SETD3: variants seen among roughly 807,000 people sequenced by gnomAD.
SETD3 encodes the protein actin-histidine N-methyltransferase.
In SETD3, 19 loss-of-function variants were observed where a neutral mutation model predicts 63.0. The ratio of observed to expected loss-of-function variants is 0.30; its 90% CI spans 0.21 to 0.44. The LOEUF (loss-of-function observed/expected upper bound fraction) is 0.44, where lower values mean the gene tolerates loss of function less well. Ranked by LOEUF, SETD3 falls within the 20% of genes least tolerant of loss-of-function variation. The pLI, the probability that SETD3 is intolerant of heterozygous loss-of-function variation, is 1.00. For missense variants in SETD3, 587 were observed against 728.5 expected, an observed-to-expected ratio of 0.81 and a Z score of 2.24; for synonymous variants, 286 against 264.1, an observed-to-expected ratio of 1.08 and a Z score of -0.80.
chr14:99,484,003 C>A (rs1896420558), upstream of SETD3, among the ~76,000 whole-genome samples: 1 of 151,928 alleles, frequency 6.6e-6, no homozygotes, highest in Admixed American at 6.6e-5. Flanking sequence ...CCAGAACTGG[C>A]CAGATATAAA....
chr14:99,464,531 G>C (rs942814213), intron 2 of SETD3, among the ~76,000 whole-genome samples: 4 of 152,148 alleles, frequency 2.6e-5, no homozygotes, highest in Non-Finnish European at 5.9e-5. Context: ...GCGAGGAATG[G>C]GCAGGACAGC....
chr14:99,432,703 G>T (rs1893251410), intron 6 of SETD3, among the ~76,000 whole-genome samples: 1 of 152,222 alleles, frequency 6.6e-6, no homozygotes, highest in African/African-American at 2.4e-5. Flanking sequence ...GCCTCCAGTA[G>T]CAAACACACA....
chr14:99,412,946 G>T lies in SETD3; in HGVS notation c.849+5C>A. The T allele has an allele frequency of 1.3e-6, 2 of 1,593,384 alleles. No individual in the cohort carries two copies. Among genetic ancestry groups the T allele is most frequent in the Non-Finnish European group, 1.7e-6 (2 of 1,161,162 alleles). On this transcript the variant is annotated splice_donor_5th_base_variant and intron_variant, in intron 8 of 12. Transcript: ENST00000331768. ...TCAACACAACACAGGGGAAGAGGTC[G>T]TTACCAGGCCGTTGGTGTGGTTACA... is the stretch of plus-strand genomic sequence containing the variant.
intron 8 of SETD3, among the ~76,000 whole-genome samples, chr14:99,408,762 C>T (rs1019877265): frequency 1.3e-5 from 2 of 152,204 alleles, no homozygotes; most frequent in African/African-American, 4.8e-5. Context: ...TGTCTAACTT[C>T]TTTGTGTGGC....
intron 6 of SETD3, among the ~76,000 whole-genome samples, chr14:99,420,880 G>A (rs1595173036): frequency 7.7e-6 from 1 of 129,914 alleles, no homozygotes; most frequent in East Asian, 2.4e-4. Flanking sequence ...GAACCTGCCA[G>A]GTCATCCAAG....
chr14:99,449,565 A>G (rs992957281), intron 6 of SETD3, among the ~76,000 whole-genome samples: 2 of 152,230 alleles, frequency 1.3e-5, no homozygotes, highest in African/African-American at 2.4e-5. Context: ...AGTGCTCTTC[A>G]AAAGTGCCGG....
chr14:99,461,753 C>T (rs1266990401), intron 3 of SETD3, among the ~76,000 whole-genome samples: 1 of 152,084 alleles, frequency 6.6e-6, no homozygotes, highest in African/African-American at 2.4e-5. Flanking sequence ...ATGAGTAGCT[C>T]GCGTATGTGC....
rs1452924649 is a variant in SETD3, at chr14:99,399,069, G to A, written c.1395C>T (p.Ile465=). Residue 465 remains isoleucine, a synonymous_variant, in exon 13 of 13, where the codon ATC becomes ATT. Coordinates refer to ENST00000331768, the MANE Select transcript of SETD3 (RefSeq NM_032233.3). ...HDLSVRAKMA[I]KLRLGEKEIL... ...TCTCTTTCTCACCTAAGCGCAATTTGATGGCCATTTTTGCACGAACAGAAA... is the reference window on the plus strand; with the variant it reads ...TCTCTTTCTCACCTAAGCGCAATTTAATGGCCATTTTTGCACGAACAGAAA... The A allele has an allele frequency of 6.2e-7, 1 of 1,614,112 alleles. No homozygotes were observed. Among genetic ancestry groups the A allele is most frequent in the Non-Finnish European group, 8.5e-7 (1 of 1,180,034 alleles).
chr14:99,468,168 A>G (rs1033494241), intron 1 of SETD3, among the ~76,000 whole-genome samples: 5 of 151,278 alleles, frequency 3.3e-5, no homozygotes, highest in African/African-American at 1.2e-4. Context: ...AAAAAAAAAA[A>G]AAAAAAGTAC....
rs1287453176 is a variant in SETD3 at position 99,461,420 on chromosome 14, A to T, written c.197-80T>A. 3 of 1,410,812 alleles carry T rather than the reference A, an allele frequency of 2.1e-6. No individual in the cohort carries two copies. In the African/African-American group the frequency reaches 4.3e-5, roughly 20 times the overall value. 87.4% of individuals were successfully genotyped at this position (1,410,812 alleles called of 1,614,324 possible). A position where few individuals can be genotyped will look rare whatever the true frequency, so the allele number is the denominator to read the frequency against. On this transcript the variant is annotated intron_variant, in intron 3 of 12. Transcript: ENST00000331768. ...CACACGTCTCTCAGAAAATAAAAAC[A>T]GGCCATAACTAACACTGGAAATAGT...
intron 2 of SETD3, among the ~76,000 whole-genome samples, chr14:99,464,915 G>A (rs892893605): frequency 2.6e-5 from 4 of 152,166 alleles, no homozygotes; most frequent in Non-Finnish European, 4.4e-5. Context: ...GGCAGAGGTG[G>A]GAGGATCTCT....
chr14:99,403,455 A>ACACACTCTCTCTCTCTCTCT (rs1416541957), intron 11 of SETD3, among the ~76,000 whole-genome samples: 2 of 135,456 alleles, frequency 1.5e-5, no homozygotes, highest in African/African-American at 6.0e-5. Flanking sequence ...ACACACACAC[A>ACACACTCTCTCTCTCTCTCT]CTCTCTCTCT....
chr14:99,434,846 T>TAAAAAAAAA (rs1566706239), intron 6 of SETD3, among the ~76,000 whole-genome samples: 3 of 18,898 alleles, frequency 1.6e-4, no homozygotes, highest in Admixed American at 8.4e-4. Flanking sequence ...AAACTCTGCC[T>TAAAAAAAAA]CAAAAAAAAA....
chr14:99,449,001 A>G (rs181995310), intron 6 of SETD3, among the ~76,000 whole-genome samples: 3 of 152,372 alleles, frequency 2.0e-5, no homozygotes, highest in East Asian at 3.9e-4. Flanking sequence ...GTATCTTTAC[A>G]TGAAGAGCCA....
chr14:99,420,980 G>GGGGGGGA (rs1566694441), intron 6 of SETD3, among the ~76,000 whole-genome samples: 1 of 40,110 alleles, frequency 2.5e-5, no homozygotes, highest in East Asian at 9.0e-4. Context: ...GGGGGGGTGG[G>GGGGGGGA]AGGTGCAGAC....
upstream of SETD3, among the ~76,000 whole-genome samples, chr14:99,484,325 A>G (rs1028315692): frequency 2.0e-5 from 3 of 152,270 alleles, no homozygotes; most frequent in Non-Finnish European, 4.4e-5. Flanking sequence ...CAGCAGACAC[A>G]CAATGGACAT....
chr14:99,475,336 T>C (rs1895915405), intron 1 of SETD3, among the ~76,000 whole-genome samples: 5 of 152,248 alleles, frequency 3.3e-5, no homozygotes, highest in African/African-American at 1.2e-4. Flanking sequence ...GATCCAAGTC[T>C]GAGAAGGATA....
rs1372273079 is a variant in SETD3, at chr14:99,398,946, G to T, written c.1518C>A (p.Asn506Lys). 6.2e-7 allele frequency: 1 copy of T among 1,614,022 alleles called. No individual in the cohort carries two copies. The highest frequency in any genetic ancestry group is 8.5e-7 in the Non-Finnish European group (1 of 1,179,938). ...CCACGCTGCTCTCCAACAGCCCAAG[G>T]TTACTCTCTTCATATTTGGGAAGCG... ...KAPLPKYEES[N>K]LGLLESSVGD... is the part of the protein sequence containing the mutation. The change falls in exon 13 of 13, where the codon AAC becomes AAA. Residue 506 changes from asparagine (N) to lysine (K), a missense_variant. By Grantham distance (94) the Asn-to-Lys change is moderately conservative. Transcript: ENST00000331768.
intron 6 of SETD3, among the ~76,000 whole-genome samples, chr14:99,440,088 C>T (rs1452304380): frequency 6.6e-6 from 1 of 152,074 alleles, no homozygotes; most frequent in African/African-American, 2.4e-5. Context: ...GGATTATAGG[C>T]ATGAACCACC....
Sources: allele counts gnomAD v4.1 joint callset (sites outside exome capture counted in the v4.1 genomes callset), GRCh38; gene constraint gnomAD v4.1.1; transcripts MANE v1.5; gene names NCBI Gene and HGNC (gene_info 2026-07-23, HGNC 2026-07-21).